Variants in ALKBH5 observed in about 807,000 individuals in gnomAD.
ALKBH5 encodes the protein alkB homolog 5, RNA demethylase.
A neutral mutation model predicts 32.1 loss-of-function variants in ALKBH5; 2 were observed. The observed-to-expected ratio is 0.06, with a 90% CI of 0.03 to 0.20. The LOEUF (loss-of-function observed/expected upper bound fraction) is 0.20, where lower values mean the gene tolerates loss of function less well. ALKBH5 is among the 10% of genes least tolerant of loss of function. The probability of loss-of-function intolerance (pLI) is 1.00; values close to 1 mark genes in which losing one functional copy is unlikely to be tolerated. For missense variants in ALKBH5, 352 were observed against 559.5 expected (o/e 0.63, Z 3.74); for synonymous variants, 300 against 231.7 (o/e 1.29, Z -2.68).
chr17:18,184,341 C>T lies in ALKBH5; in HGVS notation c.98C>T (p.Ala33Val). 6.6e-7 allele frequency: 1 copy of T among 1,512,354 alleles called. No homozygotes were observed. The highest frequency in any genetic ancestry group is 1.4e-5 in the African/African-American group (1 of 69,696). The allele number at this position is 1,512,354 out of a possible 1,614,324, so 93.7% of individuals were successfully genotyped here. The change falls in exon 1 of 4, where the codon GCT becomes GTT. Residue 33 changes from alanine to valine, a missense_variant. This residue lies in a region of ALKBH5 where 144 missense variants were observed against 125.8 expected (regional missense o/e 1.14). Transcript: ENST00000399138. ...GCGGGCAGCCGGGAGGCCGCCGCCG[C>T]TGCCGCAGCCGCCGTAGCCGCCGCA... is the stretch of plus-strand genomic sequence containing the variant. ...YKAGSREAAA[A>V]AAAAVAAAAA...
chr17:18,183,995 G>GTGT lies in ALKBH5; in HGVS notation c.-249_-248insTGT. On this transcript the variant is annotated 5_prime_UTR_variant, in exon 1 of 4. Coordinates refer to ENST00000399138, the MANE Select transcript of ALKBH5 (RefSeq NM_017758.4). ...GGCATGAGGCGCTGCCGGCGCCCCT[G>GTGT]CCCCGCGGGACGTGGAGAAGGTGGA... 1.5e-6 allele frequency: 1 copy of GTGT among 650,934 alleles called. No homozygotes were observed. 40.3% of individuals were successfully genotyped at this position (650,934 alleles called of 1,614,324 possible).
At chr17:18,206,776 G>T in intron 2 of ALKBH5, 39 bp from the exon 3 acceptor site, 1 of 1,604,264 alleles carries the variant, frequency 6.2e-7, no homozygotes, top group Non-Finnish European at 8.5e-7. Context: ...CACCTTCACC[G>T]GAGGCCCTTT....
At chr17:18,193,290 G>A (rs924988691) in intron 1 of ALKBH5, among the ~76,000 whole-genome samples, 2 of 150,972 alleles carry the variant, frequency 1.3e-5, no homozygotes, top group East Asian at 2.0e-4. Context: ...GCTCACACCT[G>A]TAATCCCAGC....
Position 18,208,388 on chromosome 17 carries a change from C to T in ALKBH5, c.1177C>T (p.Arg393Trp), listed in dbSNP as rs1192475606. The change falls in exon 4 of 4, where the codon CGG (arginine) becomes TGG (tryptophan). Residue 393 changes from arginine (R) to tryptophan (W), a missense_variant. Coordinates refer to ENST00000399138, the MANE Select transcript of ALKBH5 (RefSeq NM_017758.4). ...CCCTGCCCGAAAGGTGAAGATGCGGCGGCACTGAGTCTACCCGCCGCCCTC... is the reference window on the plus strand; with the variant it reads ...CCCTGCCCGAAAGGTGAAGATGCGGTGGCACTGAGTCTACCCGCCGCCCTC... Reference protein sequence around the residue: ...GSPARKVKMRRH With the variant: ...GSPARKVKMRWH 4 of 1,612,496 alleles carry T rather than the reference C, an allele frequency of 2.5e-6. No homozygotes were observed. The highest frequency in any genetic ancestry group is 8.5e-7 in the Non-Finnish European group (1 of 1,179,314).
intron 2 of ALKBH5, among the ~76,000 whole-genome samples, chr17:18,205,043 C>T (rs911319773): frequency 4.0e-5 from 6 of 151,612 alleles, no homozygotes; most frequent in East Asian, 1.9e-4. Context: ...GAGCAAAACA[C>T]GATCTCTCTT....
intron 2 of ALKBH5, among the ~76,000 whole-genome samples, chr17:18,205,613 G>A (rs1397860036): frequency 1.3e-5 from 2 of 152,202 alleles, no homozygotes; most frequent in Non-Finnish European, 2.9e-5. Context: ...CCCGTGACTT[G>A]CAGGATGCAT....
intron 1 of ALKBH5, among the ~76,000 whole-genome samples, chr17:18,185,916 A>C (rs854803): frequency 0.76 from 115,170 of 152,094 alleles, 43,852 homozygotes; most frequent in African/African-American, 0.81. Context: ...TACCCAAAAC[A>C]TCTTAGGTTT....
chr17:18,197,346 T>G (rs1241386661), intron 2 of ALKBH5, among the ~76,000 whole-genome samples: 3 of 152,184 alleles, frequency 2.0e-5, no homozygotes, highest in Non-Finnish European at 4.4e-5. Context: ...TCGGAAACAA[T>G]GGAGTCCAGA....
intron 2 of ALKBH5, among the ~76,000 whole-genome samples, chr17:18,201,771 A>G (rs1319625659): frequency 4.4e-5 from 6 of 135,302 alleles, no homozygotes; most frequent in African/African-American, 1.4e-4. Flanking sequence ...AGATAGATAG[A>G]TAGATAGATA....
chr17:18,195,602 C>T (rs1022790152), intron 2 of ALKBH5, among the ~76,000 whole-genome samples: 3 of 152,176 alleles, frequency 2.0e-5, no homozygotes, highest in Admixed American at 6.5e-5. Context: ...ATTTCTTTCA[C>T]GGGGTGAGTG....
intron 2 of ALKBH5, among the ~76,000 whole-genome samples, chr17:18,203,612 A>G (rs1238489102): frequency 2.0e-5 from 3 of 152,244 alleles, no homozygotes; most frequent in Non-Finnish European, 4.4e-5. Flanking sequence ...CCTTACTGCT[A>G]GAACTGAGCC....
chr17:18,193,170 G>A (rs769067901), intron 1 of ALKBH5, among the ~76,000 whole-genome samples: 1 of 151,822 alleles, frequency 6.6e-6, no homozygotes, highest in Non-Finnish European at 1.5e-5. Flanking sequence ...CCTGTCTACT[G>A]TCTCTTATGG....
At chr17:18,201,072 T>C (rs112324446) in intron 2 of ALKBH5, among the ~76,000 whole-genome samples, 3,214 of 152,032 alleles carry the variant, frequency 0.021, 100 homozygotes, top group African/African-American at 0.065. Flanking sequence ...TGAGGCTGAG[T>C]GGATGGATGA....
At chr17:18,203,115 T>TA (rs2047251425) in intron 2 of ALKBH5, among the ~76,000 whole-genome samples, 1 of 151,832 alleles carries the variant, frequency 6.6e-6, no homozygotes, top group African/African-American at 2.4e-5. Context: ...GACAAGGTCT[T>TA]ACTTTGTTGC....
Position 18,183,954 on chromosome 17 carries a change from C to T in ALKBH5, c.-290C>T, listed in dbSNP as rs1467540487. 8.2e-6 allele frequency: 5 copies of T among 608,706 alleles called. No individual in the cohort carries two copies. Among genetic ancestry groups the T allele is most frequent in the African/African-American group, 5.7e-5 (3 of 52,234 alleles). 37.7% of individuals were successfully genotyped at this position (608,706 alleles called of 1,614,324 possible). On this transcript the variant is annotated 5_prime_UTR_variant, in exon 1 of 4. Transcript: ENST00000399138. Reference sequence around the variant, plus strand: ...CTGGTCGGGAGTCGGGCCGCGTCTCCGCAGCAGCCCTCCGCGGCATGAGGC... The same window carrying T: ...CTGGTCGGGAGTCGGGCCGCGTCTCTGCAGCAGCCCTCCGCGGCATGAGGC...
In ALKBH5 at chr17:18,184,085, C is replaced by T. The variant is rs1053796043; in HGVS notation, c.-159C>T. Reference sequence around the variant, plus strand: ...GCCGCTCCTGAGGCCCTACCCCACGCCCGGACCCTCGACGCCCCCCGCCGG... The same window carrying T: ...GCCGCTCCTGAGGCCCTACCCCACGTCCGGACCCTCGACGCCCCCCGCCGG... On this transcript the variant is annotated 5_prime_UTR_variant, in exon 1 of 4. Coordinates refer to ENST00000399138, the MANE Select transcript of ALKBH5 (RefSeq NM_017758.4). 3.2e-5 allele frequency: 23 copies of T among 708,062 alleles called. No homozygotes were observed. The highest frequency in any genetic ancestry group is 4.4e-5 in the Non-Finnish European group (18 of 407,540). 43.9% of individuals were successfully genotyped at this position (708,062 alleles called of 1,614,324 possible). A position where few individuals can be genotyped will look rare whatever the true frequency, so the allele number is the denominator to read the frequency against.
intron 2 of ALKBH5, among the ~76,000 whole-genome samples, chr17:18,205,709 A>C (rs991046999): frequency 6.6e-5 from 10 of 152,114 alleles, no homozygotes; most frequent in Non-Finnish European, 1.2e-4. Context: ...GAATGGGGGA[A>C]ACTGAGGACC....
intron 1 of ALKBH5, among the ~76,000 whole-genome samples, chr17:18,190,522 C>G (rs1016395869): frequency 8.8e-5 from 13 of 147,718 alleles, no homozygotes; most frequent in African/African-American, 3.3e-4. Flanking sequence ...GCATTCCAGC[C>G]TAGGCAACAG....
intron 2 of ALKBH5, among the ~76,000 whole-genome samples, chr17:18,199,388 G>T (rs1029223888): frequency 6.6e-5 from 10 of 152,298 alleles, no homozygotes; most frequent in Admixed American, 5.9e-4. Context: ...AAACTTCTGG[G>T]GTATAATAAT....
Sources: gnomAD v4.1 joint callset for allele counts (sites outside exome capture counted in the v4.1 genomes callset) on GRCh38, gnomAD v4.1.1 for gene constraint, gnomAD v4.1.1 regional missense constraint, MANE v1.5 for transcripts, NCBI Gene and HGNC (gene_info 2026-07-23, HGNC 2026-07-21) for gene names.